Variants in KIF26B observed in about 807,000 individuals in gnomAD.
The protein encoded by KIF26B is kinesin family member 26B.
In KIF26B, 63 loss-of-function variants were observed where a neutral mutation model predicts 151.2. That is an observed-to-expected ratio of 0.42 (90% CI 0.34 to 0.51). KIF26B has a LOEUF of 0.51. Among genes scored for constraint, KIF26B ranks in the 20% least tolerant of loss-of-function variants. The pLI is 0.07. For missense variants in KIF26B, 2,813 were observed against 2,913.6 expected, an observed-to-expected ratio of 0.97 and a Z score of 0.79; for synonymous variants, 1,357 against 1,262.1, an observed-to-expected ratio of 1.08 and a Z score of -1.59.
chr1:245,615,134 G>C (rs970334184), intron 9 of KIF26B: 34 of 152,210 alleles, frequency 2.2e-4, no homozygotes, highest in African/African-American at 8.2e-4. Flanking sequence ...GTCAATGTAA[G>C]AGTCTGACAA....
intron 2 of KIF26B, among the ~76,000 whole-genome samples, chr1:245,161,432 T>A (rs1668527811): frequency 6.6e-6 from 1 of 152,218 alleles, no homozygotes; most frequent in Non-Finnish European, 1.5e-5. Context: ...ATGTGATTTT[T>A]AAATGGCTGA....
chr1:245,201,054 C>T (rs1234733342), intron 2 of KIF26B, among the ~76,000 whole-genome samples: 1 of 152,198 alleles, frequency 6.6e-6, no homozygotes, highest in African/African-American at 2.4e-5. Flanking sequence ...CTTCACTTTA[C>T]ACCCAAGACA....
At chr1:245,595,735 G>A (rs1429388251) in intron 5 of KIF26B, among the ~76,000 whole-genome samples, 1 of 152,120 alleles carries the variant, frequency 6.6e-6, no homozygotes, top group Admixed American at 6.6e-5. Context: ...CAGAAGGAAT[G>A]GTATCAGCTC....
intron 4 of KIF26B, among the ~76,000 whole-genome samples, chr1:245,506,054 T>C (rs532830528): frequency 2.6e-5 from 4 of 152,358 alleles, no homozygotes; most frequent in East Asian, 1.9e-4. Flanking sequence ...TACATACATA[T>C]ATTTTTACAT....
chr1:245,178,131 A>G (rs371967757), intron 2 of KIF26B, among the ~76,000 whole-genome samples: 6 of 152,334 alleles, frequency 3.9e-5, no homozygotes, highest in African/African-American at 1.4e-4. Context: ...GCTTTGTTAC[A>G]GGAGAAAGAC....
intron 2 of KIF26B, among the ~76,000 whole-genome samples, chr1:245,337,167 TTTA>T (rs1490509963): frequency 6.6e-6 from 1 of 151,274 alleles, no homozygotes; most frequent in Non-Finnish European, 1.5e-5. Context: ...TATTTATTTA[TTTA>T]TTTATCTATT....
rs1670277964 is a variant in KIF26B, at chr1:245,244,560, A to C, written c.465+87877A>C. On this transcript the variant is annotated intron_variant, in intron 2 of 14. Transcript: ENST00000407071. The surrounding 1 kb of genome is among the most constrained non-coding windows in gnomAD (Gnocchi z 4.2). ...TTCTAGAGGGAGCCAGGCCCAGAAA[A>C]TGAGGGGGACATTTACGTCATGGAA... 6.6e-6 allele frequency among the ~76,000 whole-genome samples: 1 copy of C among 152,078 alleles called. No homozygotes were observed. The highest frequency in any genetic ancestry group is 1.5e-5 in the Non-Finnish European group (1 of 68,020).
rs369739191 is a variant in KIF26B, at chr1:245,607,671, C to G, written c.1578C>G (p.Thr526=). 2.5e-6 allele frequency: 4 copies of G among 1,611,974 alleles called. No individual in the cohort carries two copies. The highest frequency in any genetic ancestry group is 1.7e-5 in the Admixed American group (1 of 59,800). The change falls in exon 7 of 15, where the codon ACC becomes ACG. Residue 526 remains threonine, a synonymous_variant. Coordinates refer to ENST00000407071, the MANE Select transcript of KIF26B (RefSeq NM_018012.4). The part of the protein sequence containing the change: ...DASQAEVCAG[T]VAEVIQSVVN... ...GACAGGCTGAAGTGTGTGCAGGCAC[C>G]GTGGCAGAGGTGATCCAGTCTGTGG...
chr1:245,396,681 T>C (rs1176440924), intron 3 of KIF26B, among the ~76,000 whole-genome samples: 1 of 152,142 alleles, frequency 6.6e-6, no homozygotes, highest in Non-Finnish European at 1.5e-5. Flanking sequence ...TATTTGACTT[T>C]TGCTTTAGCG....
chr1:245,648,547 G>A (rs2043978261), intron 10 of KIF26B, among the ~76,000 whole-genome samples: 3 of 151,674 alleles, frequency 2.0e-5, no homozygotes, highest in Non-Finnish European at 2.9e-5. Flanking sequence ...AGGTGGAAGG[G>A]TGGCTTGAGT....
intron 10 of KIF26B, among the ~76,000 whole-genome samples, chr1:245,672,611 A>C (rs1004508672): frequency 6.6e-6 from 1 of 152,210 alleles, no homozygotes; most frequent in African/African-American, 2.4e-5. Context: ...ATCAGAACAC[A>C]GTCAAGTGAA....
At chr1:245,197,672 T>G (rs758290863) in intron 2 of KIF26B, among the ~76,000 whole-genome samples, 8 of 152,160 alleles carry the variant, frequency 5.3e-5, no homozygotes, top group Non-Finnish European at 8.8e-5. Context: ...ACATGCTGAT[T>G]ATAAAGAATG....
chr1:245,185,730 C>T (rs1295252055), intron 2 of KIF26B, among the ~76,000 whole-genome samples: 1 of 152,152 alleles, frequency 6.6e-6, no homozygotes, highest in Admixed American at 6.6e-5. Flanking sequence ...ATCCCCTCTC[C>T]CATGTGTGCT....
In KIF26B at chr1:245,687,554, G is replaced by C. The variant is rs763996760; in HGVS notation, c.4571G>C (p.Ser1524Thr). 3 of 1,566,130 alleles carry C rather than the reference G, an allele frequency of 1.9e-6. No individual in the cohort carries two copies. The highest frequency in any genetic ancestry group is 3.8e-5 in the Admixed American group (2 of 52,662). The part of the protein sequence containing the change: ...EMALPGLATQ[S>T]PVHPNKSVKS... ...GCCCTGCCCGGTTTGGCCACCCAGA[G>C]CCCCGTGCATCCCAACAAAAGCGTC... The change falls in exon 12 of 15, where the codon AGC becomes ACC. Residue 1524 changes from serine (S) to threonine (T), a missense_variant. Physicochemically the swap from Ser to Thr is moderately conservative, Grantham distance 58 (BLOSUM62 1). Transcript: ENST00000407071. The surrounding 1 kb of genome is among the most constrained non-coding windows in gnomAD (Gnocchi z 4.9).
intron 4 of KIF26B, among the ~76,000 whole-genome samples, chr1:245,475,783 G>T (rs1355946434): frequency 6.6e-6 from 1 of 151,882 alleles, no homozygotes; most frequent in African/African-American, 2.4e-5. Context: ...ATGTGGAGAA[G>T]CTGGAACAGT....
intron 2 of KIF26B, among the ~76,000 whole-genome samples, chr1:245,174,273 G>A (rs1022480182): frequency 2.6e-5 from 4 of 152,076 alleles, no homozygotes; most frequent in Admixed American, 1.3e-4. Context: ...ATATGGCTGC[G>A]TTCTTCAGGC....
intron 5 of KIF26B, among the ~76,000 whole-genome samples, chr1:245,581,073 C>CACAGG (rs2103129442): frequency 6.6e-6 from 1 of 152,358 alleles, no homozygotes; most frequent in South Asian, 2.1e-4. Context: ...GTGTGGGACA[C>CACAGG]AATGGCACAG....
intron 2 of KIF26B, among the ~76,000 whole-genome samples, chr1:245,337,096 G>A (rs1181191076): frequency 6.6e-6 from 1 of 152,110 alleles, no homozygotes; most frequent in Admixed American, 6.5e-5. Context: ...AAGCAATTCT[G>A]TGTGTATGTT....
chr1:245,294,213 G>T lies in KIF26B; in HGVS notation c.466-72621G>T, dbSNP rs147083094. On this transcript the variant is annotated intron_variant, in intron 2 of 14. Coordinates refer to ENST00000407071, the MANE Select transcript of KIF26B (RefSeq NM_018012.4). ...ACAGTTGTGTTGGAAACCTCCCACG[G>T]GGTCTCCAGGCTCTCATTTCCCTCC... 2.6e-3 allele frequency among the ~76,000 whole-genome samples: 400 copies of T among 152,228 alleles called. 2 individuals are homozygous for T. Among genetic ancestry groups the T allele is most frequent in the African/African-American group, 8.8e-3 (364 of 41,544 alleles).
Sources: allele counts gnomAD v4.1 joint callset (sites outside exome capture counted in the v4.1 genomes callset), GRCh38; gene constraint gnomAD v4.1.1; non-coding constraint Gnocchi (gnomAD v3.1); transcripts MANE v1.5; gene names NCBI Gene and HGNC (gene_info 2026-07-23, HGNC 2026-07-21).